ZDHHC23: variants seen among roughly 807,000 people sequenced by gnomAD.
ZDHHC23 encodes the protein palmitoyltransferase ZDHHC23.
In ZDHHC23, 41 loss-of-function variants were observed where a neutral mutation model predicts 40.2. The observed-to-expected ratio is 1.02, with a 90% CI of 0.79 to 1.32. The LOEUF (loss-of-function observed/expected upper bound fraction) is 1.32. Ranked by LOEUF, ZDHHC23 falls within the 40% of genes most tolerant of loss-of-function variation. The pLI, the probability that ZDHHC23 is intolerant of heterozygous loss-of-function variation, is 0.00. For synonymous variants in ZDHHC23, 204 were observed against 210.2 expected (o/e 0.97, Z 0.26); for missense variants, 471 against 541.5 (o/e 0.87, Z 1.29).
chr3:113,959,197 A>G lies in ZDHHC23; in HGVS notation c.*567A>G. 9.4e-7 allele frequency: 1 copy of G among 1,066,002 alleles called. No homozygotes were observed. Among genetic ancestry groups the G allele is most frequent in the Non-Finnish European group, 1.1e-6 (1 of 875,216 alleles). 66.0% of individuals were successfully genotyped at this position (1,066,002 alleles called of 1,614,324 possible). On this transcript the variant is annotated 3_prime_UTR_variant, in exon 5 of 5. Transcript: ENST00000638807. ...ATATTATGATGGAAGAAAAACGTTT[A>G]TAGTCTAGAATATTGAAGCCAATAT...
chr3:113,969,656 G>A (rs1940600457), downstream of ZDHHC23, among the ~76,000 whole-genome samples: 1 of 152,132 alleles, frequency 6.6e-6, no homozygotes, highest in South Asian at 2.1e-4. Flanking sequence ...TGAGTTGGTT[G>A]TAAATGTGTG....
downstream of ZDHHC23, among the ~76,000 whole-genome samples, chr3:113,968,234 A>C (rs955232648): frequency 3.3e-5 from 5 of 152,132 alleles, no homozygotes; most frequent in Non-Finnish European, 7.4e-5. Flanking sequence ...TGGCTGTACT[A>C]ATTTACACTC....
downstream of ZDHHC23, among the ~76,000 whole-genome samples, chr3:113,965,801 G>A (rs964929629): frequency 7.2e-5 from 11 of 151,972 alleles, no homozygotes; most frequent in African/African-American, 2.2e-4. Context: ...CACCATGTTG[G>A]CCAGGCTGGT....
chr3:113,957,029 T>C (rs188428958), intron 4 of ZDHHC23, among the ~76,000 whole-genome samples: 6 of 152,256 alleles, frequency 3.9e-5, no homozygotes, highest in African/African-American at 1.4e-4. Context: ...TTCTTTCTTT[T>C]TTTAATCACC....
At chr3:113,967,826 A>G (rs1239266921), downstream of ZDHHC23, among the ~76,000 whole-genome samples, 1 of 152,162 alleles carries the variant, frequency 6.6e-6, no homozygotes, top group Non-Finnish European at 1.5e-5. Flanking sequence ...GTAACCACCA[A>G]TGTATTCTCT....
downstream of ZDHHC23, chr3:113,965,519 G>A: frequency 2.4e-6 from 1 of 411,960 alleles, no homozygotes; most frequent in South Asian, 8.7e-5. Context: ...GAAATGCTGT[G>A]AAAAAAATAA....
rs541858192 is a variant in ZDHHC23 at position 113,963,288 on chromosome 3, C to A, written c.*4658C>A. The A allele has an allele frequency of 6.6e-6, 1 of 152,194 alleles. No homozygotes were observed. The highest frequency in any genetic ancestry group is 2.4e-5 in the African/African-American group (1 of 41,524). The allele number at this position is 152,194 out of a possible 1,614,324, so 9.4% of individuals were successfully genotyped here. A position where few individuals can be genotyped will look rare whatever the true frequency, so the allele number is the denominator to read the frequency against. On this transcript the variant is annotated 3_prime_UTR_variant, in exon 5 of 5. Coordinates refer to ENST00000638807, the MANE Select transcript of ZDHHC23 (RefSeq NM_001320466.2). ...TGTATTCGGTAAAAAGTCTAGCTGG[C>A]GCCATTGGAATATGGGCTGCTAAAG... is the stretch of plus-strand genomic sequence containing the variant.
chr3:113,951,075 C>T (rs993910454), intron 2 of ZDHHC23, among the ~76,000 whole-genome samples: 1 of 152,214 alleles, frequency 6.6e-6, no homozygotes, highest in African/African-American at 2.4e-5. Flanking sequence ...TGCGCACAGC[C>T]CACACTGCAG....
chr3:113,954,298 A>G lies in ZDHHC23; in HGVS notation c.760A>G (p.Thr254Ala). The change falls in exon 3 of 5, where the codon ACC (threonine) becomes GCC (alanine). Residue 254 changes from threonine (T) to alanine (A), a missense_variant. This residue lies in a region of ZDHHC23 where 346 missense variants were observed against 399.8 expected (regional missense o/e 0.87). Transcript: ENST00000638807. ...TTCCAAGATGCCAGCTGGAAGCCCC[A>G]CCAAAGCGAAGGAGGACTGGTGTGC... ...GSSKMPAGSP[T>A]KAKEDWCAKC... is the part of the protein sequence containing the mutation. 2 of 1,614,086 alleles carry G rather than the reference A, an allele frequency of 1.2e-6. No individual in the cohort carries two copies. Among genetic ancestry groups the G allele is most frequent in the Non-Finnish European group, 1.7e-6 (2 of 1,179,946 alleles).
rs1346866510 is a variant in ZDHHC23 at position 113,961,668 on chromosome 3, CATT to C, written c.*3039_*3041del. On this transcript the variant is annotated 3_prime_UTR_variant, in exon 5 of 5. Transcript: ENST00000638807. ...TAGTGTTTTCCTTGGTGAATGAAGT[CATT>C]GTTGTCTTCAAGTGTACCATCTGCC... is the stretch of plus-strand genomic sequence containing the variant. 1 of 152,622 alleles carries C rather than the reference CATT, an allele frequency of 6.6e-6. No individual in the cohort carries two copies. The highest frequency in any genetic ancestry group is 1.5e-5 in the Non-Finnish European group (1 of 68,034). The allele number at this position is 152,622 out of a possible 1,614,324, so 9.5% of individuals were successfully genotyped here.
Position 113,961,937 on chromosome 3 carries a change from T to G in ZDHHC23, c.*3307T>G, listed in dbSNP as rs531973721. 6.5e-6 allele frequency: 1 copy of G among 152,742 alleles called. No homozygotes were observed. The highest frequency in any genetic ancestry group is 1.5e-5 in the Non-Finnish European group (1 of 68,032). The allele number at this position is 152,742 out of a possible 1,614,324, so 9.5% of individuals were successfully genotyped here. A position where few individuals can be genotyped will look rare whatever the true frequency, so the allele number is the denominator to read the frequency against. On this transcript the variant is annotated 3_prime_UTR_variant, in exon 5 of 5. Transcript: ENST00000638807. ...AAATATAACATCTAGAAGCACAGTT[T>G]TAGCCAGGATGTTTAAAAATTACAG...
rs1156369734 is a variant in ZDHHC23, at chr3:113,963,330, A to G, written c.*4700A>G. Reference sequence around the variant, plus strand: ...CTGCTAAAGACTCAATTTCTAGTTGATGTTTGAGGTGAGGCAAAAATAAAG... The same window carrying G: ...CTGCTAAAGACTCAATTTCTAGTTGGTGTTTGAGGTGAGGCAAAAATAAAG... On this transcript the variant is annotated 3_prime_UTR_variant, in exon 5 of 5. Transcript: ENST00000638807. 1.3e-5 allele frequency: 2 copies of G among 152,132 alleles called. No homozygotes were observed. Among genetic ancestry groups the G allele is most frequent in the African/African-American group, 4.8e-5 (2 of 41,422 alleles). The allele number at this position is 152,132 out of a possible 1,614,324, so 9.4% of individuals were successfully genotyped here. A position where few individuals can be genotyped will look rare whatever the true frequency, so the allele number is the denominator to read the frequency against.
the ZDHHC23 span, among the ~76,000 whole-genome samples, chr3:113,978,028 T>TATTA: frequency 6.6e-6 from 1 of 152,186 alleles, no homozygotes; most frequent in Non-Finnish European, 1.5e-5. Context: ...CCAGGGGGTT[T>TATTA]ATTACATTGC....
At chr3:113,963,574 C>CAAAAA (rs10526433), downstream of ZDHHC23, among the ~76,000 whole-genome samples, 2 of 50,752 alleles carry the variant, frequency 3.9e-5, no homozygotes, top group African/African-American at 8.8e-5. Context: ...CCATCTCTAC[C>CAAAAA]AAAAAAAAAA....
At chr3:113,969,413 A>C (rs995649452), downstream of ZDHHC23, among the ~76,000 whole-genome samples, 5 of 152,146 alleles carry the variant, frequency 3.3e-5, no homozygotes, top group Non-Finnish European at 5.9e-5. Context: ...TTACACAAAA[A>C]ATCTTTGGCC....
At chr3:113,954,881 T>C (rs1206170287) in intron 3 of ZDHHC23, among the ~76,000 whole-genome samples, 3 of 152,222 alleles carry the variant, frequency 2.0e-5, no homozygotes, top group African/African-American at 7.2e-5. Flanking sequence ...TGATTTCCAC[T>C]TAACATTATT....
chr3:113,976,527 G>A, the ZDHHC23 span, among the ~76,000 whole-genome samples: 1 of 151,780 alleles, frequency 6.6e-6, no homozygotes, highest in Non-Finnish European at 1.5e-5. Flanking sequence ...GATGGTTTGT[G>A]CAAAAGCCCC....
rs1257432263 is a variant in ZDHHC23, at chr3:113,959,108, A to G, written c.*478A>G. ...AGCCGTCATGAGGGTCACGTGAGGGAAGATGGATGTGGAAAGCACTAAAAA... is the reference window on the plus strand; with the variant it reads ...AGCCGTCATGAGGGTCACGTGAGGGGAGATGGATGTGGAAAGCACTAAAAA... On this transcript the variant is annotated 3_prime_UTR_variant, in exon 5 of 5. Coordinates refer to ENST00000638807, the MANE Select transcript of ZDHHC23 (RefSeq NM_001320466.2). 4.2e-6 allele frequency: 4 copies of G among 953,910 alleles called. No individual in the cohort carries two copies. The highest frequency in any genetic ancestry group is 1.7e-5 in the African/African-American group (1 of 58,428). 59.1% of individuals were successfully genotyped at this position (953,910 alleles called of 1,614,324 possible). A position where few individuals can be genotyped will look rare whatever the true frequency, so the allele number is the denominator to read the frequency against.
chr3:113,951,463 G>A (rs1938652993), intron 2 of ZDHHC23, among the ~76,000 whole-genome samples: 2 of 152,182 alleles, frequency 1.3e-5, no homozygotes, highest in South Asian at 4.1e-4. Context: ...TGGCCTCTAT[G>A]GCATACCTAG....
Sources: allele counts gnomAD v4.1 joint callset (sites outside exome capture counted in the v4.1 genomes callset), GRCh38; gene constraint gnomAD v4.1.1; regional missense constraint gnomAD v4.1.1; transcripts MANE v1.5; gene names NCBI Gene and HGNC (gene_info 2026-07-23, HGNC 2026-07-21).